COL7A1: variants seen among roughly 807,000 people sequenced by gnomAD.
The protein encoded by COL7A1 is collagen alpha-1(VII) chain.
A neutral mutation model predicts 456.2 loss-of-function variants in COL7A1; 296 were observed. The ratio of observed to expected loss-of-function variants is 0.65; its 90% CI spans 0.59 to 0.71. The LOEUF (loss-of-function observed/expected upper bound fraction) is 0.71, where lower values mean the gene tolerates loss of function less well. COL7A1 is among the 30% of genes least tolerant of loss of function. The pLI, the probability that COL7A1 is intolerant of heterozygous loss-of-function variation, is 0.00. For missense variants in COL7A1, 3,441 were observed against 4,017.2 expected, an observed-to-expected ratio of 0.86 and a Z score of 3.88; for synonymous variants, 1,464 against 1,525.9, an observed-to-expected ratio of 0.96 and a Z score of 0.95.
rs775028966 is a variant in COL7A1 at position 48,592,159 on chromosome 3, C to T, written c.1183G>A (p.Val395Met). Residue 395 changes from valine to methionine, a missense_variant, in exon 10 of 119, where the codon GTG becomes ATG. Val to Met is a conservative substitution (Grantham distance 21, BLOSUM62 1). Around this residue, in one of 3 missense-constraint regions of COL7A1, gnomAD observed 913 missense variants for 1,088.2 expected, o/e 0.84. Coordinates refer to ENST00000681320, the MANE Select transcript of COL7A1 (RefSeq NM_000094.4). The surrounding 1 kb of genome is among the most constrained non-coding windows in gnomAD (Gnocchi z 7.6). ...LEPGTDYEVT[V>M]STLFGRSVGP... ...ACACTGCGGCCAAATAGGGTGCTCA[C>T]GGTCACCTCATAGTCCGTGCCAGGC... is the stretch of plus-strand genomic sequence containing the variant. 37 of 1,613,994 alleles carry T rather than the reference C, an allele frequency of 2.3e-5. No individual in the cohort carries two copies. The highest frequency in any genetic ancestry group is 8.9e-5 in the East Asian group (4 of 44,890).
Position 48,592,906 on chromosome 3 carries a change from C to A in COL7A1, c.715G>T (p.Val239Leu), listed in dbSNP as rs762444440. Residue 239 changes from valine (V) to leucine (L), a missense_variant, in exon 7 of 119, where the codon GTG (valine) becomes TTG (leucine). By Grantham distance (32) the Val-to-Leu change is conservative. Transcript: ENST00000681320. This position sits in a 1 kb window ranked among gnomAD's most constrained non-coding sequence, Gnocchi z 7.6. ...GATTGGCTGCTTGGCTCAGACAGCA[C>A]CAGGTCTCGTGGAGCAGAGGTCGAG... Reference protein sequence around the residue: ...DDSTSAPRDLVLSEPSSQSLR... With the variant: ...DDSTSAPRDLLLSEPSSQSLR... 1.9e-6 allele frequency: 3 copies of A among 1,614,022 alleles called. No individual in the cohort carries two copies. Among genetic ancestry groups the A allele is most frequent in the South Asian group, 2.2e-5 (2 of 91,072 alleles).
rs1575494300 is a variant in COL7A1 at position 48,593,202 on chromosome 3, G to A, written c.582C>T (p.Phe194=). 6.2e-7 allele frequency: 1 copy of A among 1,614,142 alleles called. No individual in the cohort carries two copies. Among genetic ancestry groups the A allele is most frequent in the Middle Eastern group, 1.6e-4 (1 of 6,062 alleles). ...KRVASQPTSD[F]FFFVNDFSIL... ...TGCTGAAGTCATTGACGAAGAAGAAGAAGTCACTGGTGGGCTGTGAGGCAA... is the reference window on the plus strand; with the variant it reads ...TGCTGAAGTCATTGACGAAGAAGAAAAAGTCACTGGTGGGCTGTGAGGCAA... Residue 194 remains phenylalanine, a synonymous_variant, in exon 6 of 119, where the codon TTC becomes TTT. Coordinates refer to ENST00000681320, the MANE Select transcript of COL7A1 (RefSeq NM_000094.4). The surrounding 1 kb of genome is among the most constrained non-coding windows in gnomAD (Gnocchi z 4.4).
chr3:48,566,141 G>C lies in COL7A1; in HGVS notation c.8407+126C>G. On this transcript the variant is annotated intron_variant, in intron 114 of 118. Transcript: ENST00000681320. This position sits in a 1 kb window ranked among gnomAD's most constrained non-coding sequence, Gnocchi z 5.9. ...CATGTGTCAGTCCTGCAGCACATGT[G>C]TCCTTCTGTGTATCCATCCATCCCC... The C allele has an allele frequency of 1.0e-6, 1 of 1,001,440 alleles. No individual in the cohort carries two copies. Among genetic ancestry groups the C allele is most frequent in the African/African-American group, 1.6e-5 (1 of 62,524 alleles). 62.0% of individuals were successfully genotyped at this position (1,001,440 alleles called of 1,614,324 possible). A position where few individuals can be genotyped will look rare whatever the true frequency, so the allele number is the denominator to read the frequency against.
rs758649802 is a variant in COL7A1, at chr3:48,565,198, C to T, written c.8531G>A (p.Arg2844Gln). The T allele has an allele frequency of 1.2e-6, 2 of 1,613,076 alleles. No individual in the cohort carries two copies. The highest frequency in any genetic ancestry group is 1.7e-6 in the Non-Finnish European group (2 of 1,179,432). ...LRVSHAEEEE[R>Q]VPPEDDEYSE... The stretch of plus-strand genomic sequence containing the variant: ...GTACTCATCATCCTCAGGGGGTACC[C>T]GCTCTGCAGGTAGGGCAGGGTGTGC... The change falls in exon 117 of 119, where the codon CGG becomes CAG. Residue 2844 changes from arginine (R) to glutamine (Q), a missense_variant. Physicochemically the swap from Arg to Gln is conservative, Grantham distance 43. Transcript: ENST00000681320. This position sits in a 1 kb window ranked among gnomAD's most constrained non-coding sequence, Gnocchi z 4.5.
chr3:48,570,643 G>A lies in COL7A1; in HGVS notation c.7340C>T (p.Ser2447Leu). The change falls in exon 96 of 119, where the codon TCA becomes TTA. Residue 2447 changes from serine to leucine, a missense_variant. Transcript: ENST00000681320. The surrounding 1 kb of genome is among the most constrained non-coding windows in gnomAD (Gnocchi z 5.5). ...CTTTAGGGCACCTCTACTCACCACT[G>A]ACCCCGGTGGTCCAGGTGGCCCCAG... ...GPLGPPGPPGSVGPPGASGLK... is the reference protein window; with the variant it reads ...GPLGPPGPPGLVGPPGASGLK... 5.6e-6 allele frequency: 9 copies of A among 1,602,608 alleles called. No homozygotes were observed. Among genetic ancestry groups the A allele is most frequent in the Non-Finnish European group, 7.7e-6 (9 of 1,173,910 alleles).
chr3:48,564,408 A>C lies in COL7A1; in HGVS notation c.8833T>G (p.Ter2945GlyextTer51), dbSNP rs1408222701. The change falls in exon 119 of 119, where the codon TGA becomes GGA. Residue 2945 changes from the stop codon to glycine (G), a stop_lost. Coordinates refer to ENST00000681320, the MANE Select transcript of COL7A1 (RefSeq NM_000094.4). This position sits in a 1 kb window ranked among gnomAD's most constrained non-coding sequence, Gnocchi z 6.0. ...AATCTCAGCTCATTATCTGGGCCTC[A>C]GTCCTGGGCAGTACCTGGTGAGGAC... The part of the protein sequence containing the change: ...QSQGTGTAQD[*>G] 6.2e-7 allele frequency: 1 copy of C among 1,614,102 alleles called. No homozygotes were observed. Among genetic ancestry groups the C allele is most frequent in the Non-Finnish European group, 8.5e-7 (1 of 1,179,982 alleles).
At position 48,570,087 on chromosome 3, in the gene COL7A1, CAG is replaced by C. The variant is rs1560201026; in HGVS notation, c.7485+45_7485+46del. 6.2e-7 allele frequency: 1 copy of C among 1,611,208 alleles called. No homozygotes were observed. The highest frequency in any genetic ancestry group is 8.5e-7 in the Non-Finnish European group (1 of 1,177,472). On this transcript the variant is annotated intron_variant, in intron 99 of 118. Transcript: ENST00000681320. This position sits in a 1 kb window ranked among gnomAD's most constrained non-coding sequence, Gnocchi z 5.5. ...AGTCCTGGGGTACAAAGGGCACAGG[CAG>C]GGGACTGAAGTCACAGCACTGTCAC...
chr3:48,566,512 T>A lies in COL7A1; in HGVS notation c.8356A>T (p.Thr2786Ser). The change falls in exon 113 of 119, where the codon ACG (threonine) becomes TCG (serine). Residue 2786 changes from threonine (T) to serine (S), a missense_variant and splice_region_variant. Around this residue, in one of 3 missense-constraint regions of COL7A1, gnomAD observed 2,084 missense variants for 2,501.3 expected, o/e 0.83. Transcript: ENST00000681320. The surrounding 1 kb of genome is among the most constrained non-coding windows in gnomAD (Gnocchi z 5.9). ...GGCCCATCCAGGCCCACACTCACCG[T>A]CAGTGCAGCTTCTCCCTTCTCGCCT... is the stretch of plus-strand genomic sequence containing the variant. ...PRGEKGEAAL[T>S]EDDIRGFVRQ... The A allele has an allele frequency of 6.2e-7, 1 of 1,612,998 alleles. No individual in the cohort carries two copies. Among genetic ancestry groups the A allele is most frequent in the South Asian group, 1.1e-5 (1 of 91,062 alleles).
chr3:48,569,713 G>C lies in COL7A1; in HGVS notation c.7557+12C>G. The C allele has an allele frequency of 1.9e-6, 3 of 1,614,132 alleles. No homozygotes were observed. The South Asian group carries it at 3.3e-5, about 18-fold the overall frequency. The stretch of plus-strand genomic sequence containing the variant: ...CTGGCCCCTGCCCTGCCCTCCCCAT[G>C]CCCACACTCACCTTGTCACCCTTTA... On this transcript the variant is annotated intron_variant, in intron 101 of 118. Transcript: ENST00000681320. This position sits in a 1 kb window ranked among gnomAD's most constrained non-coding sequence, Gnocchi z 4.9.
rs1463280603 is a variant in COL7A1, at chr3:48,591,614, A to G, written c.1508-22T>C. The G allele has an allele frequency of 1.9e-6, 3 of 1,613,506 alleles. No individual in the cohort carries two copies. The highest frequency in any genetic ancestry group is 1.7e-5 in the Admixed American group (1 of 60,024). On this transcript the variant is annotated intron_variant, in intron 12 of 118. Coordinates refer to ENST00000681320, the MANE Select transcript of COL7A1 (RefSeq NM_000094.4). The surrounding 1 kb of genome is among the most constrained non-coding windows in gnomAD (Gnocchi z 7.0). ...GGTCCTGTTGGAGAGCACAGCATAG[A>G]GGCAGCCTGGGGCTCCGACACCTCC...
Position 48,590,424 on chromosome 3 carries a change from C to G in COL7A1, c.1906+35G>C, listed in dbSNP as rs765644969. On this transcript the variant is annotated intron_variant, in intron 15 of 118. Coordinates refer to ENST00000681320, the MANE Select transcript of COL7A1 (RefSeq NM_000094.4). The surrounding 1 kb of genome is among the most constrained non-coding windows in gnomAD (Gnocchi z 4.6). ...CTCTGGCACCCATACCCTCATTGGT[C>G]CCTTTGGCAGTCCCCCCACACACCC... The G allele has an allele frequency of 2.0e-5, 33 of 1,613,968 alleles. No individual in the cohort carries two copies. Among genetic ancestry groups the G allele is most frequent in the Non-Finnish European group, 2.8e-5 (33 of 1,180,018 alleles).
rs780036156 is a variant in COL7A1 at position 48,572,840 on chromosome 3, G to A, written c.6831+22C>T. On this transcript the variant is annotated intron_variant, in intron 87 of 118. Coordinates refer to ENST00000681320, the MANE Select transcript of COL7A1 (RefSeq NM_000094.4). The surrounding 1 kb of genome is among the most constrained non-coding windows in gnomAD (Gnocchi z 4.6). ...CCACAGCTGGGCACCACACCCTAGC[G>A]AGCTGCCCCCAGAACACATACTGGC... The A allele has an allele frequency of 1.5e-5, 25 of 1,613,728 alleles. No homozygotes were observed. Among genetic ancestry groups the A allele is most frequent in the Middle Eastern group, 3.3e-4 (2 of 6,084 alleles).
rs746912405 is a variant in COL7A1, at chr3:48,584,594, T to TG, written c.4048-39dup. The TG allele has an allele frequency of 2.5e-6, 4 of 1,613,684 alleles. No individual in the cohort carries two copies. The South Asian group carries it at 4.4e-5, about 18-fold the overall frequency. ...AGAGCAGTGGGCAGGATTCAGGCTATGGGGGCCTTGAGCTGGAAGAAGCCC... is the reference window on the plus strand; with the variant it reads ...AGAGCAGTGGGCAGGATTCAGGCTATGGGGGGCCTTGAGCTGGAAGAAGCCC... On this transcript the variant is annotated intron_variant, in intron 35 of 118. Coordinates refer to ENST00000681320, the MANE Select transcript of COL7A1 (RefSeq NM_000094.4).
Position 48,593,090 on chromosome 3 carries a change from G to A in COL7A1, c.682+12C>T, listed in dbSNP as rs986366346. 9.3e-6 allele frequency: 15 copies of A among 1,614,134 alleles called. No individual in the cohort carries two copies. Among genetic ancestry groups the A allele is most frequent in the Non-Finnish European group, 9.3e-6 (11 of 1,180,020 alleles). On this transcript the variant is annotated intron_variant, in intron 6 of 118. Transcript: ENST00000681320. This position sits in a 1 kb window ranked among gnomAD's most constrained non-coding sequence, Gnocchi z 4.4. The stretch of plus-strand genomic sequence containing the variant: ...GTCTAGGTCAGGGTACACCGTGTGG[G>A]CAGGAACTCACGAGGTCGGGTCACA...
rs121912838 is a variant in COL7A1, at chr3:48,575,428, C to T, written c.6091G>A (p.Gly2031Ser). ...GGCTTTCCAGGCTCCCCGGCAAGGC[C>T]GGAAGGCCCGGGGGGGCCCCTCTCC... The part of the protein sequence containing the change: ...LGERGPPGPS[G>S]LAGEPGKPGI... The change falls in exon 74 of 119, where the codon GGC (glycine) becomes AGC (serine). Residue 2031 changes from glycine (G) to serine (S), a missense_variant. By Grantham distance (56) the Gly-to-Ser change is moderately conservative (BLOSUM62 0). Transcript: ENST00000681320. The surrounding 1 kb of genome is among the most constrained non-coding windows in gnomAD (Gnocchi z 6.3). The T allele has an allele frequency of 9.3e-6, 15 of 1,609,700 alleles. No homozygotes were observed. The highest frequency in any genetic ancestry group is 1.7e-6 in the Non-Finnish European group (2 of 1,178,832).
chr3:48,584,512 A>C lies in COL7A1; in HGVS notation c.4092T>G (p.Pro1364=), dbSNP rs576167826. 34 of 1,613,934 alleles carry C rather than the reference A, an allele frequency of 2.1e-5. 1 individual carries two copies. In the South Asian group the frequency reaches 3.4e-4, roughly 16 times the overall value. ...ATGGTCCAGGGTCCCCTTTCCGCCC[A>C]GGAAGCCCAGGTCCTTCACCTCCGA... ...QVIGGEGPGL[P]GRKGDPGPSG... Residue 1364 remains proline, a synonymous_variant, in exon 36 of 119, where the codon CCT becomes CCG. Transcript: ENST00000681320.
At position 48,587,724 on chromosome 3, in the gene COL7A1, A is replaced by T; in HGVS notation, c.2857+69T>A. ...TAGGGGTACAGGAGGAGTCACTCAG[A>T]GTCGGGGTGCAGGAAGTCAGGGTGG... On this transcript the variant is annotated intron_variant, in intron 22 of 118. Transcript: ENST00000681320. This position sits in a 1 kb window ranked among gnomAD's most constrained non-coding sequence, Gnocchi z 6.1. 6.2e-7 allele frequency: 1 copy of T among 1,611,278 alleles called. No individual in the cohort carries two copies. The highest frequency in any genetic ancestry group is 8.5e-7 in the Non-Finnish European group (1 of 1,178,248).
Position 48,583,104 on chromosome 3 carries a change from G to T in COL7A1, c.4482+23C>A. On this transcript the variant is annotated intron_variant, in intron 43 of 118. Transcript: ENST00000681320. The surrounding 1 kb of genome is among the most constrained non-coding windows in gnomAD (Gnocchi z 5.1). The stretch of plus-strand genomic sequence containing the variant: ...TGGGCCCAGATCCTCCAGGGCCCTT[G>T]GCACCCCCCAGGTTGCACTTACCTT... 1 of 1,613,986 alleles carries T rather than the reference G, an allele frequency of 6.2e-7. No homozygotes were observed. Among genetic ancestry groups the T allele is most frequent in the Non-Finnish European group, 8.5e-7 (1 of 1,179,976 alleles).
In COL7A1 at chr3:48,592,186, C is replaced by T; in HGVS notation, c.1156G>A (p.Glu386Lys). The T allele has an allele frequency of 1.9e-6, 3 of 1,614,118 alleles. No homozygotes were observed. Among genetic ancestry groups the T allele is most frequent in the Non-Finnish European group, 2.5e-6 (3 of 1,180,042 alleles). ...GTCACCTCATAGTCCGTGCCAGGCT[C>T]CAAGTCACGCAGCAACACTGAACCC... Reference protein sequence around the residue: ...GQGSVLLRDLEPGTDYEVTVS... With the variant: ...GQGSVLLRDLKPGTDYEVTVS... Residue 386 changes from glutamate (E) to lysine (K), a missense_variant, in exon 10 of 119, where the codon GAG becomes AAG. This residue lies in a region of COL7A1 where 913 missense variants were observed against 1,088.2 expected (regional missense o/e 0.84). Transcript: ENST00000681320. This position sits in a 1 kb window ranked among gnomAD's most constrained non-coding sequence, Gnocchi z 7.6.
Sources: allele counts gnomAD v4.1 joint callset, GRCh38; gene constraint gnomAD v4.1.1; regional missense constraint gnomAD v4.1.1; non-coding constraint Gnocchi (gnomAD v3.1); transcripts MANE v1.5; gene names NCBI Gene and HGNC (gene_info 2026-07-23, HGNC 2026-07-21).